Variants in FTO observed in about 807,000 individuals in gnomAD.
The protein encoded by FTO is alpha-ketoglutarate-dependent dioxygenase FTO.
Under a neutral mutation model 63.9 loss-of-function variants are expected in FTO, and 47 were observed. That is an observed-to-expected ratio of 0.74 (90% CI 0.58 to 0.94). FTO has a LOEUF of 0.94. Ranked by LOEUF, FTO falls within the 40% of genes least tolerant of loss-of-function variation. The probability of loss-of-function intolerance (pLI) is 0.00; values close to 1 mark genes in which losing one functional copy is unlikely to be tolerated. For synonymous variants in FTO, 207 were observed against 224.4 expected, an observed-to-expected ratio of 0.92 and a Z score of 0.69; for missense variants, 562 against 618.1, an observed-to-expected ratio of 0.91 and a Z score of 0.96.
chr16:53,959,417 C>G (rs1224932671), intron 8 of FTO, among the ~76,000 whole-genome samples: 1 of 152,082 alleles, frequency 6.6e-6, no homozygotes, highest in Non-Finnish European at 1.5e-5. Flanking sequence ...ACAGTGGAAA[C>G]CAGTCACTAT....
At chr16:53,883,187 T>C (rs894259180) in intron 6 of FTO, among the ~76,000 whole-genome samples, 1 of 152,222 alleles carries the variant, frequency 6.6e-6, no homozygotes, top group Admixed American at 6.5e-5. Context: ...AATGGGTGCT[T>C]TCTTTAACAT....
In FTO at chr16:53,826,154, C is replaced by T. The variant is rs146941727; in HGVS notation, c.414C>T (p.Thr138=). ...CTGAAATAGCCGCTGCTTGTGAGAC[C>T]TTCCTCAAGCTCAATGACTACCTGC... The part of the protein sequence containing the change: ...TEAEIAAACE[T]FLKLNDYLQI... The change falls in exon 3 of 9, where the codon ACC becomes ACT. Residue 138 remains threonine (T), a synonymous_variant. Coordinates refer to ENST00000471389, the MANE Select transcript of FTO (RefSeq NM_001080432.3). 10 of 1,614,010 alleles carry T rather than the reference C, an allele frequency of 6.2e-6. No homozygotes were observed. Among genetic ancestry groups the T allele is most frequent in the Admixed American group, 1.7e-5 (1 of 59,992 alleles).
At chr16:53,771,016 A>T (rs2077320962) in intron 1 of FTO, among the ~76,000 whole-genome samples, 1 of 152,194 alleles carries the variant, frequency 6.6e-6, no homozygotes, top group Non-Finnish European at 1.5e-5. Flanking sequence ...TTTGTTAATT[A>T]CAAAAGCAAA....
At chr16:54,036,757 A>G (rs1393597944) in intron 8 of FTO, among the ~76,000 whole-genome samples, 2 of 152,194 alleles carry the variant, frequency 1.3e-5, no homozygotes, top group Non-Finnish European at 2.9e-5. Flanking sequence ...ATATTATTGC[A>G]TTTCTATCTT....
At chr16:53,862,657 T>TCC (rs1398348377) in intron 4 of FTO, among the ~76,000 whole-genome samples, 1 of 151,388 alleles carries the variant, frequency 6.6e-6, no homozygotes, top group Non-Finnish European at 1.5e-5. Context: ...TGCCTCTGCC[T>TCC]CCCGAGTAGT....
chr16:54,097,366 G>T (rs1314451479), intron 8 of FTO, among the ~76,000 whole-genome samples: 1 of 151,706 alleles, frequency 6.6e-6, no homozygotes, highest in East Asian at 1.9e-4. Flanking sequence ...TTGGTGACAG[G>T]GTCTGGCTCT....
At chr16:53,946,594 C>G (rs1399943538) in intron 8 of FTO, among the ~76,000 whole-genome samples, 1 of 151,794 alleles carries the variant, frequency 6.6e-6, no homozygotes, top group Admixed American at 6.6e-5. Flanking sequence ...TTTTTTTTCA[C>G]TGAAAAAGTT....
At chr16:53,965,264 C>T (rs1040762882) in intron 8 of FTO, among the ~76,000 whole-genome samples, 1 of 152,096 alleles carries the variant, frequency 6.6e-6, no homozygotes, top group Non-Finnish European at 1.5e-5. Flanking sequence ...TTAGTAGAGA[C>T]GGGGTTTCAC....
intron 8 of FTO, among the ~76,000 whole-genome samples, chr16:54,057,263 T>C (rs2085457527): frequency 6.6e-6 from 1 of 152,254 alleles, no homozygotes; most frequent in Non-Finnish European, 1.5e-5. Flanking sequence ...CCGTGCTACA[T>C]TGACTCCTTA....
chr16:53,731,855 C>T (rs1598512086), intron 1 of FTO, among the ~76,000 whole-genome samples: 2 of 151,094 alleles, frequency 1.3e-5, no homozygotes, highest in Non-Finnish European at 1.5e-5. Context: ...TCACGCCATT[C>T]TCCTGCCTCA....
intron 1 of FTO, among the ~76,000 whole-genome samples, chr16:53,789,767 T>TATATAC (rs144269494): frequency 2.4e-4 from 36 of 147,778 alleles, no homozygotes; most frequent in African/African-American, 4.5e-4. Flanking sequence ...TATATATATA[T>TATATAC]ACACACACAC....
At chr16:54,028,509 T>C (rs1241721130) in intron 8 of FTO, among the ~76,000 whole-genome samples, 1 of 152,134 alleles carries the variant, frequency 6.6e-6, no homozygotes, top group Non-Finnish European at 1.5e-5. Context: ...ATGGTGTCAC[T>C]TGCAAAAAGT....
At chr16:53,766,550 A>G (rs1047554144) in intron 1 of FTO, among the ~76,000 whole-genome samples, 3 of 152,008 alleles carry the variant, frequency 2.0e-5, no homozygotes, top group Non-Finnish European at 4.4e-5. Context: ...CCATTTACTG[A>G]GATAAGAAAA....
chr16:53,962,250 C>T (rs1275077410), intron 8 of FTO, among the ~76,000 whole-genome samples: 1 of 152,050 alleles, frequency 6.6e-6, no homozygotes, highest in Non-Finnish European at 1.5e-5. Context: ...CCAGACAGGA[C>T]CCAGAATAAG....
chr16:54,058,553 C>T (rs1599291921), intron 8 of FTO, among the ~76,000 whole-genome samples: 1 of 152,128 alleles, frequency 6.6e-6, no homozygotes, highest in Admixed American at 6.5e-5. Context: ...AAGAGGTGCC[C>T]AGGTTTAGAG....
At chr16:53,773,341 A>C (rs1196973073) in intron 1 of FTO, among the ~76,000 whole-genome samples, 1 of 152,072 alleles carries the variant, frequency 6.6e-6, no homozygotes. Flanking sequence ...GGTGGCACTG[A>C]AGTATCATTC....
intron 1 of FTO, among the ~76,000 whole-genome samples, chr16:53,807,008 AG>A (rs1472798263): frequency 6.6e-6 from 1 of 152,230 alleles, no homozygotes; most frequent in Non-Finnish European, 1.5e-5. Flanking sequence ...TTTTTTATAA[AG>A]CAGTTAAGAA....
In FTO at chr16:53,876,165, C is replaced by T. The variant is rs144250881; in HGVS notation, c.975+2300C>T. On this transcript the variant is annotated intron_variant, in intron 5 of 8. Coordinates refer to ENST00000471389, the MANE Select transcript of FTO (RefSeq NM_001080432.3). ...CAGTTAAAGTCTCTTTCTCCTCAGG[C>T]CAACCAGCCCCTCATTCCCAGAGGC... Among the ~76,000 whole-genome samples, 58 of 152,222 alleles carry T rather than the reference C, an allele frequency of 3.8e-4. No individual in the cohort carries two copies. The East Asian group carries it at 0.011, about 28-fold the overall frequency.
intron 8 of FTO, among the ~76,000 whole-genome samples, chr16:54,096,506 G>A (rs1018945432): frequency 1.3e-5 from 2 of 152,160 alleles, no homozygotes; most frequent in Admixed American, 1.3e-4. Context: ...GGAATGAAGC[G>A]GCAGCTTAAA....
Sources: allele counts gnomAD v4.1 joint callset (sites outside exome capture counted in the v4.1 genomes callset), GRCh38; gene constraint gnomAD v4.1.1; transcripts MANE v1.5; gene names NCBI Gene and HGNC (gene_info 2026-07-23, HGNC 2026-07-21).